The following HNRNPH3 variants were observed in gnomAD, a reference collection of about 807,000 sequenced individuals.
HNRNPH3 encodes the protein heterogeneous nuclear ribonucleoprotein H3.
HNRNPH3 carries 7 observed loss-of-function variants against 47.0 expected under a neutral mutation model. That is an observed-to-expected ratio of 0.15 (90% CI 0.08 to 0.28). The LOEUF is 0.28. Among genes scored for constraint, HNRNPH3 ranks in the 10% least tolerant of loss-of-function variants. HNRNPH3 has a pLI of 1.00. For missense variants in HNRNPH3, 279 were observed against 449.6 expected (o/e 0.62, Z 3.43); for synonymous variants, 120 against 143.2 (o/e 0.84, Z 1.16).
At chr10:68,338,782 C>T in intron 4 of HNRNPH3, 95 bp downstream of exon 4, 2 of 1,033,092 alleles carry the variant, frequency 1.9e-6, no homozygotes, top group Non-Finnish European at 2.8e-6. Flanking sequence ...ATTTCAGTAC[C>T]TATTAGGTTT....
At chr10:68,341,434 G>A in intron 7 of HNRNPH3, 125 bp downstream of exon 7, 1 of 1,089,450 alleles carries the variant, frequency 9.2e-7, no homozygotes, top group Non-Finnish European at 1.3e-6. Context: ...CTCTATAATG[G>A]CTTTCTGTGG....
chr10:68,342,310 A>G lies in HNRNPH3; in HGVS notation c.*256A>G. On this transcript the variant is annotated 3_prime_UTR_variant, in exon 10 of 10. Coordinates refer to ENST00000265866, the MANE Select transcript of HNRNPH3 (RefSeq NM_012207.3). ...TACTTTTTATATACTAGTTACTCCT[A>G]AAGATGTGCTGCCTTCATAAGATTT... The G allele has an allele frequency of 2.8e-6, 1 of 362,580 alleles. No individual in the cohort carries two copies. The highest frequency in any genetic ancestry group is 5.1e-5 in the East Asian group (1 of 19,424). The allele number at this position is 362,580 out of a possible 1,614,324, so 22.5% of individuals were successfully genotyped here.
chr10:68,339,593 T>TA, intron 6 of HNRNPH3, 38 bp downstream of exon 6: 1 of 1,235,396 alleles, frequency 8.1e-7, no homozygotes, highest in South Asian at 1.3e-5. Flanking sequence ...GTTTTATACT[T>TA]ATCCTGGTGT....
chr10:68,342,693 G>C lies in HNRNPH3; in HGVS notation c.*639G>C, dbSNP rs2046035691. 6.6e-6 allele frequency: 1 copy of C among 152,554 alleles called. No homozygotes were observed. The highest frequency in any genetic ancestry group is 1.5e-5 in the Non-Finnish European group (1 of 68,036). 9.5% of individuals were successfully genotyped at this position (152,554 alleles called of 1,614,324 possible). ...TGTTGGAAGCTGAATTCTAGCCCTA[G>C]ATTTTGGAGTAAAACCCCTTCAGCA... On this transcript the variant is annotated 3_prime_UTR_variant, in exon 10 of 10. Transcript: ENST00000265866.
chr10:68,332,324 C>T (rs1005257651), intron 1 of HNRNPH3, 108 bp downstream of exon 1: 2 of 152,100 alleles, frequency 1.3e-5, no homozygotes, highest in African/African-American at 2.4e-5. Context: ...GGGTGGTCGC[C>T]GCTCGGAGGC....
At position 68,337,712 on chromosome 10, in the gene HNRNPH3, C is replaced by T; in HGVS notation, c.113-146C>T. 1.4e-6 allele frequency: 1 copy of T among 703,676 alleles called. No homozygotes were observed. The highest frequency in any genetic ancestry group is 2.3e-6 in the Non-Finnish European group (1 of 435,610). The allele number at this position is 703,676 out of a possible 1,614,324, so 43.6% of individuals were successfully genotyped here. On this transcript the variant is annotated intron_variant, in intron 2 of 9. Coordinates refer to ENST00000265866, the MANE Select transcript of HNRNPH3 (RefSeq NM_012207.3). This position sits in a 1 kb window ranked among gnomAD's most constrained non-coding sequence, Gnocchi z 4.5. ...TCCAGTAATATTTGAAAAAATCTTT[C>T]ATTTGTATTATGGGGTGATGGGAAA...
At position 68,337,513 on chromosome 10, in the gene HNRNPH3, T is replaced by C. The variant is rs1405661800; in HGVS notation, c.112+180T>C. 1 of 576,142 alleles carries C rather than the reference T, an allele frequency of 1.7e-6. No individual in the cohort carries two copies. Among genetic ancestry groups the C allele is most frequent in the Non-Finnish European group, 3.1e-6 (1 of 325,576 alleles). 35.7% of individuals were successfully genotyped at this position (576,142 alleles called of 1,614,324 possible). ...TATTCAATACAGAATGTGTAGAATA[T>C]GTAAAACCTAGTTAATGTGCAGTAA... On this transcript the variant is annotated intron_variant, in intron 2 of 9. Coordinates refer to ENST00000265866, the MANE Select transcript of HNRNPH3 (RefSeq NM_012207.3). This position sits in a 1 kb window ranked among gnomAD's most constrained non-coding sequence, Gnocchi z 4.5.
intron 6 of HNRNPH3, 86 bp from the exon 7 acceptor site, chr10:68,341,088 T>C: frequency 2.1e-6 from 2 of 961,360 alleles, no homozygotes; most frequent in Non-Finnish European, 3.1e-6. Context: ...AGGGTTTGTT[T>C]TAATTGATGA....
At chr10:68,339,318 A>T (rs569021387) in intron 5 of HNRNPH3, 92 bp downstream of exon 5, 6 of 1,565,944 alleles carry the variant, frequency 3.8e-6, no homozygotes, top group Non-Finnish European at 5.2e-6. Context: ...ACTTGTATAA[A>T]GTTAATTCAG....
chr10:68,338,277 C>CA lies in HNRNPH3; in HGVS notation c.252-223dup, dbSNP rs1380824720. On this transcript the variant is annotated intron_variant, in intron 3 of 9. Transcript: ENST00000265866. ...AACACCTATTATGTACTAAAAGAGA[C>CA]AAAGTAAAAATATACTTTATGAATT... The CA allele has an allele frequency of 2.2e-5, 10 of 452,574 alleles. No homozygotes were observed. In the Admixed American group the frequency reaches 3.9e-4, roughly 18 times the overall value. The allele number at this position is 452,574 out of a possible 1,614,324, so 28.0% of individuals were successfully genotyped here. A position where few individuals can be genotyped will look rare whatever the true frequency, so the allele number is the denominator to read the frequency against.
intron 6 of HNRNPH3, among the ~76,000 whole-genome samples, chr10:68,340,827 C>G (rs1236287390): frequency 1.5e-5 from 2 of 130,428 alleles, no homozygotes; most frequent in Admixed American, 7.9e-5. Flanking sequence ...TTTTGACAGT[C>G]TCCCACTCTG....
chr10:68,340,308 G>A (rs1212697032), intron 6 of HNRNPH3, among the ~76,000 whole-genome samples: 2 of 152,154 alleles, frequency 1.3e-5, no homozygotes, highest in African/African-American at 4.8e-5. Context: ...GATTACAGGC[G>A]TGAGCCACTG....
At chr10:68,336,297 C>T (rs1244111930) in intron 1 of HNRNPH3, among the ~76,000 whole-genome samples, 1 of 152,060 alleles carries the variant, frequency 6.6e-6, no homozygotes, top group Non-Finnish European at 1.5e-5. Flanking sequence ...CTGCATTCAC[C>T]TCTTTTGTAA....
Position 68,339,155 on chromosome 10 carries a change from A to T in HNRNPH3, c.452A>T (p.Asp151Val). 1.2e-6 allele frequency: 2 copies of T among 1,609,474 alleles called. No individual in the cohort carries two copies. Among genetic ancestry groups the T allele is most frequent in the Non-Finnish European group, 8.5e-7 (1 of 1,175,990 alleles). Residue 151 changes from aspartate (D) to valine (V), a missense_variant, in exon 5 of 10, where the codon GAT (aspartate) becomes GTT (valine). Coordinates refer to ENST00000265866, the MANE Select transcript of HNRNPH3 (RefSeq NM_012207.3). Reference sequence around the variant, plus strand: ...AATTACACAGGTTATGGAGGTTTTGATGACTATGGTGGCTATAATAATTAC... The same window carrying T: ...AATTACACAGGTTATGGAGGTTTTGTTGACTATGGTGGCTATAATAATTAC... ...DGYDGGYGGF[D>V]DYGGYNNYGY...
chr10:68,342,257 A>T lies in HNRNPH3; in HGVS notation c.*203A>T. ...GTTGCATACTTTGACTTAAAAATAA[A>T]TTTTTATATTCAAACCACTGATGTT... On this transcript the variant is annotated 3_prime_UTR_variant, in exon 10 of 10. Transcript: ENST00000265866. The T allele has an allele frequency of 2.0e-6, 1 of 488,816 alleles. No individual in the cohort carries two copies. Among genetic ancestry groups the T allele is most frequent in the Non-Finnish European group, 3.6e-6 (1 of 275,884 alleles). The allele number at this position is 488,816 out of a possible 1,614,324, so 30.3% of individuals were successfully genotyped here. A position where few individuals can be genotyped will look rare whatever the true frequency, so the allele number is the denominator to read the frequency against.
At chr10:68,333,883 G>C (rs1047784755) in intron 1 of HNRNPH3, among the ~76,000 whole-genome samples, 1 of 152,180 alleles carries the variant, frequency 6.6e-6, no homozygotes, top group Admixed American at 6.5e-5. Flanking sequence ...CCTTGAAACA[G>C]TAGGTTTGAG....
chr10:68,341,637 CATGGGAGGTTCTGGA>C lies in HNRNPH3; in HGVS notation c.837_851del (p.Ser280_Gly284del). On this transcript the variant is annotated inframe_deletion, in exon 8 of 10. Transcript: ENST00000265866. ...ATTCTACTCCTGGAGGCGGCTCTGG[CATGGGAGGTTCTGGA>C]ATGGGAGGCTACGGAAGAGATGGAA... is the stretch of plus-strand genomic sequence containing the variant. 1 of 1,613,560 alleles carries C rather than the reference CATGGGAGGTTCTGGA, an allele frequency of 6.2e-7. No homozygotes were observed. The highest frequency in any genetic ancestry group is 2.2e-5 in the East Asian group (1 of 44,876).
intron 1 of HNRNPH3, among the ~76,000 whole-genome samples, chr10:68,335,890 TA>T (rs2045522426): frequency 6.6e-6 from 1 of 152,220 alleles, no homozygotes; most frequent in African/African-American, 2.4e-5. Flanking sequence ...CAAGTAGTTG[TA>T]ATGTCAGTTA....
intron 3 of HNRNPH3, 113 bp from the exon 4 acceptor site, chr10:68,338,390 T>C (rs1048458589): frequency 8.6e-6 from 5 of 578,632 alleles, no homozygotes; most frequent in African/African-American, 5.7e-5. Context: ...ATTTAGGCAA[T>C]TTAAATTGGG....
Sources: allele counts gnomAD v4.1 joint callset (sites outside exome capture counted in the v4.1 genomes callset), GRCh38; gene constraint gnomAD v4.1.1; non-coding constraint Gnocchi (gnomAD v3.1); transcripts MANE v1.5; gene names NCBI Gene and HGNC (gene_info 2026-07-23, HGNC 2026-07-21).